Variants in PPP1R12B observed in about 807,000 individuals in gnomAD.
PPP1R12B encodes the protein protein phosphatase 1 regulatory subunit 12B.
Under a neutral mutation model 126.1 loss-of-function variants are expected in PPP1R12B, and 76 were observed. That is an observed-to-expected ratio of 0.60 (90% confidence interval 0.50 to 0.73). The LOEUF is 0.73. Among genes scored for constraint, PPP1R12B ranks in the 30% least tolerant of loss-of-function variants. PPP1R12B has a pLI of 0.00. For missense variants in PPP1R12B, 1,052 were observed against 1,205.1 expected, an observed-to-expected ratio of 0.87 and a Z score of 1.88; for synonymous variants, 356 against 434.7, an observed-to-expected ratio of 0.82 and a Z score of 2.25.
At chr1:202,385,679 T>C (rs1174356146) in intron 1 of PPP1R12B, among the ~76,000 whole-genome samples, 1 of 152,116 alleles carries the variant, frequency 6.6e-6, no homozygotes, top group Non-Finnish European at 1.5e-5. Flanking sequence ...TTCAGGAAGG[T>C]GAAGTGAGTT....
At chr1:202,451,240 G>A (rs1672884307) in intron 13 of PPP1R12B, among the ~76,000 whole-genome samples, 1 of 149,858 alleles carries the variant, frequency 6.7e-6, no homozygotes, top group African/African-American at 2.5e-5. Flanking sequence ...CAGGGTCATA[G>A]GACAATAGTG....
At chr1:202,438,794 G>A (rs1671193119) in intron 10 of PPP1R12B, 1 of 782,820 alleles carries the variant, frequency 1.3e-6, no homozygotes. Context: ...ACGTCATCCA[G>A]GCCCTGGATC....
At chr1:202,529,033 A>AGAT (rs1476209845) in intron 18 of PPP1R12B, among the ~76,000 whole-genome samples, 2 of 152,186 alleles carry the variant, frequency 1.3e-5, no homozygotes, top group Non-Finnish European at 2.9e-5. Context: ...TGGAGGATTC[A>AGAT]GATGACACAA....
At chr1:202,392,355 A>G (rs1236601920) in intron 1 of PPP1R12B, among the ~76,000 whole-genome samples, 1 of 152,136 alleles carries the variant, frequency 6.6e-6, no homozygotes, top group Non-Finnish European at 1.5e-5. Flanking sequence ...AACAGATGCT[A>G]AGAGAAGTCA....
chr1:202,456,598 A>G (rs920526947), intron 13 of PPP1R12B, among the ~76,000 whole-genome samples: 9 of 152,222 alleles, frequency 5.9e-5, no homozygotes, highest in Admixed American at 3.3e-4. Context: ...CTAAGAAACT[A>G]TATCAAGCTA....
chr1:202,348,797 C>T lies in PPP1R12B; in HGVS notation c.-55C>T. On this transcript the variant is annotated 5_prime_UTR_variant, in exon 1 of 24. Coordinates refer to ENST00000608999, the MANE Select transcript of PPP1R12B (RefSeq NM_002481.4). ...AGAGAGGCGGCAGCGGCAACTCGAG[C>T]CCCAACAGTAATTTAGTGTTGGTAG... 6.5e-7 allele frequency: 1 copy of T among 1,545,966 alleles called. No individual in the cohort carries two copies. The highest frequency in any genetic ancestry group is 8.7e-7 in the Non-Finnish European group (1 of 1,150,198).
chr1:202,455,405 C>T (rs1276726538), intron 13 of PPP1R12B, among the ~76,000 whole-genome samples: 1 of 152,164 alleles, frequency 6.6e-6, no homozygotes, highest in African/African-American at 2.4e-5. Context: ...TAAGCAACCA[C>T]TGATCTACTT....
chr1:202,450,549 T>G (rs1672806178), intron 13 of PPP1R12B, among the ~76,000 whole-genome samples: 1 of 152,228 alleles, frequency 6.6e-6, no homozygotes, highest in Non-Finnish European at 1.5e-5. Flanking sequence ...AATTTAGATT[T>G]CAGTTTGACT....
intron 1 of PPP1R12B, among the ~76,000 whole-genome samples, chr1:202,376,323 A>T (rs1169394817): frequency 6.6e-6 from 1 of 152,162 alleles, no homozygotes; most frequent in Non-Finnish European, 1.5e-5. Flanking sequence ...CTAGAAGGAG[A>T]GCATAAACCA....
intron 1 of PPP1R12B, among the ~76,000 whole-genome samples, chr1:202,408,966 T>C (rs1667023180): frequency 6.6e-6 from 1 of 151,364 alleles, no homozygotes; most frequent in Non-Finnish European, 1.5e-5. Context: ...GCCTCCTAAG[T>C]AGCTGGGATT....
chr1:202,564,439 C>T lies in PPP1R12B; in HGVS notation c.2653-4C>T. 1 of 1,601,776 alleles carries T rather than the reference C, an allele frequency of 6.2e-7. No individual in the cohort carries two copies. Among genetic ancestry groups the T allele is most frequent in the East Asian group, 2.2e-5 (1 of 44,760 alleles). ...GCTGATCCTCTTTTTTCCCTCTCCT[C>T]TAGCTCTATGAGAGTGCTCTGACTG... is the stretch of plus-strand genomic sequence containing the variant. On this transcript the variant is annotated splice_polypyrimidine_tract_variant and splice_region_variant and intron_variant, in intron 20 of 23. Coordinates refer to ENST00000608999, the MANE Select transcript of PPP1R12B (RefSeq NM_002481.4).
intron 13 of PPP1R12B, among the ~76,000 whole-genome samples, chr1:202,458,644 T>C (rs1673937156): frequency 6.6e-6 from 1 of 152,186 alleles, no homozygotes; most frequent in Non-Finnish European, 1.5e-5. Flanking sequence ...CCATTTAGTT[T>C]CTCTGGCTAG....
intron 18 of PPP1R12B, among the ~76,000 whole-genome samples, chr1:202,553,708 G>A (rs2148991310): frequency 6.6e-6 from 1 of 152,284 alleles, no homozygotes; most frequent in South Asian, 2.1e-4. Context: ...TTTGGCTGGA[G>A]TCCCTAAGCC....
intron 18 of PPP1R12B, among the ~76,000 whole-genome samples, chr1:202,553,473 A>C (rs1260286601): frequency 5.3e-5 from 8 of 152,324 alleles, no homozygotes; most frequent in South Asian, 4.1e-4. Context: ...CAGCATAATA[A>C]ATTTGTGAAT....
rs145710907 is a variant in PPP1R12B at position 202,407,542 on chromosome 1, A to T, written c.292-9245A>T. Among the ~76,000 whole-genome samples, 409 of 152,324 alleles carry T rather than the reference A, an allele frequency of 2.7e-3. 2 individuals are homozygous for T. Among genetic ancestry groups the T allele is most frequent in the African/African-American group, 9.4e-3 (391 of 41,586 alleles). ...TATAGTTCTCACCATCTGAGAGCCAAACTGTCTCTGCCAGTGGGGTTATGA... is the reference window on the plus strand; with the variant it reads ...TATAGTTCTCACCATCTGAGAGCCATACTGTCTCTGCCAGTGGGGTTATGA... On this transcript the variant is annotated intron_variant, in intron 1 of 23. Coordinates refer to ENST00000608999, the MANE Select transcript of PPP1R12B (RefSeq NM_002481.4).
intron 14 of PPP1R12B, among the ~76,000 whole-genome samples, chr1:202,489,876 C>T (rs748006494): frequency 6.6e-6 from 1 of 152,122 alleles, no homozygotes; most frequent in Non-Finnish European, 1.5e-5. Context: ...CAAAAGGAAT[C>T]CCTGAGGGAG....
intron 18 of PPP1R12B, among the ~76,000 whole-genome samples, chr1:202,543,689 A>G (rs529252011): frequency 1.3e-5 from 2 of 152,148 alleles, no homozygotes; most frequent in Non-Finnish European, 2.9e-5. Context: ...GTGAGCCAAG[A>G]TTGCACCATT....
chr1:202,459,243 TA>T, intron 13 of PPP1R12B, among the ~76,000 whole-genome samples: 1 of 152,336 alleles, frequency 6.6e-6, no homozygotes, highest in East Asian at 1.9e-4. Flanking sequence ...GGATACTTTT[TA>T]TTTTTATTTT....
chr1:202,377,150 G>A (rs776579215), intron 1 of PPP1R12B, among the ~76,000 whole-genome samples: 6 of 152,064 alleles, frequency 3.9e-5, no homozygotes, highest in South Asian at 4.2e-4. Context: ...TGTTTAAGGC[G>A]GGATAATTAT....
Sources: gnomAD v4.1 joint callset for allele counts (sites outside exome capture counted in the v4.1 genomes callset) on GRCh38, gnomAD v4.1.1 for gene constraint, MANE v1.5 for transcripts, NCBI Gene and HGNC (gene_info 2026-07-23, HGNC 2026-07-21) for gene names.